SRGAP2B: variants seen among roughly 807,000 people sequenced by gnomAD.
The protein encoded by SRGAP2B is SLIT-ROBO Rho GTPase activating protein 2B.
In SRGAP2B, 9 loss-of-function variants were observed where a neutral mutation model predicts 22.2. The ratio of observed to expected loss-of-function variants is 0.41; its 90% CI spans 0.24 to 0.71. The LOEUF (loss-of-function observed/expected upper bound fraction) is 0.71. Ranked by LOEUF, SRGAP2B falls within the 30% of genes least tolerant of loss-of-function variation. The probability of loss-of-function intolerance (pLI) is 0.35; values close to 1 mark genes in which losing one functional copy is unlikely to be tolerated. For missense variants in SRGAP2B, 114 were observed against 235.8 expected, an observed-to-expected ratio of 0.48 and a Z score of 3.38; for synonymous variants, 36 against 87.4, an observed-to-expected ratio of 0.41 and a Z score of 3.28.
At chr1:144,959,468 T>C (rs1553610938) in intron 3 of SRGAP2B, among the ~76,000 whole-genome samples, 1 of 138,388 alleles carries the variant, frequency 7.2e-6, no homozygotes, top group Non-Finnish European at 1.5e-5. Context: ...TATAAAACTA[T>C]AACTGATTCA....
At chr1:145,089,000 C>T (rs1653710141) in intron 2 of SRGAP2B, among the ~76,000 whole-genome samples, 1 of 150,568 alleles carries the variant, frequency 6.6e-6, no homozygotes, top group South Asian at 2.1e-4. Flanking sequence ...ATTTACATAG[C>T]ATTTACACTG....
intron 3 of SRGAP2B, among the ~76,000 whole-genome samples, chr1:144,976,195 G>A (rs1290354334): frequency 1.4e-5 from 2 of 146,856 alleles, no homozygotes; most frequent in Non-Finnish European, 2.9e-5. Flanking sequence ...TAGTAATTCT[G>A]AAACAACTTT....
chr1:144,944,393 C>T (rs1666311003), intron 4 of SRGAP2B, among the ~76,000 whole-genome samples: 2 of 149,576 alleles, frequency 1.3e-5, no homozygotes, highest in Admixed American at 1.3e-4. Flanking sequence ...CCCCAGAGTT[C>T]AAGCCTAGCC....
rs1412756679 is a variant in SRGAP2B, at chr1:144,969,717, A to C, written c.261-14116T>G. Among the ~76,000 whole-genome samples the C allele has an allele frequency of 6.0e-5, 9 of 150,710 alleles. 2 individuals are homozygous for C. Among genetic ancestry groups the C allele is most frequent in the African/African-American group, 2.2e-4 (9 of 40,250 alleles). On this transcript the variant is annotated intron_variant, in intron 3 of 9. Coordinates refer to ENST00000612199, the Ensembl canonical transcript of SRGAP2B. ...TCAGAGTGAACAGGCAAACTACAAC[A>C]TGGGAGAAAATTTTTGCAACCTACT...
intron 2 of SRGAP2B, among the ~76,000 whole-genome samples, chr1:144,997,039 G>A (rs1225940366): frequency 6.7e-6 from 1 of 150,136 alleles, no homozygotes; most frequent in Non-Finnish European, 1.5e-5. Context: ...CAATATATTA[G>A]TGAAAAGCTG....
At chr1:144,989,094 C>T (rs1380446305) in intron 3 of SRGAP2B, among the ~76,000 whole-genome samples, 1 of 133,754 alleles carries the variant, frequency 7.5e-6, no homozygotes, top group African/African-American at 3.1e-5. Context: ...TGTCTCTCTC[C>T]CCACCTAAGA....
intron 2 of SRGAP2B, among the ~76,000 whole-genome samples, chr1:145,067,997 T>C (rs1553632686): frequency 2.6e-5 from 1 of 38,342 alleles, no homozygotes; most frequent in East Asian, 6.7e-4. Context: ...AGGTCAAGTG[T>C]TTGAGACCAG....
intron 4 of SRGAP2B, among the ~76,000 whole-genome samples, chr1:144,943,872 G>C (rs1358294125): frequency 4.0e-5 from 6 of 150,276 alleles, no homozygotes; most frequent in African/African-American, 1.5e-4. Flanking sequence ...AACCCCCTCA[G>C]CCCAAGGCAA....
intron 3 of SRGAP2B, among the ~76,000 whole-genome samples, chr1:144,980,763 C>T (rs1233965561): frequency 1.3e-5 from 2 of 150,858 alleles, no homozygotes; most frequent in Admixed American, 1.3e-4. Flanking sequence ...AACAGTGAGT[C>T]CTTCCCATGT....
intron 2 of SRGAP2B, among the ~76,000 whole-genome samples, chr1:145,058,603 AGACCAGTCAAT>A (rs1287295860): frequency 3.6e-5 from 4 of 109,664 alleles, no homozygotes; most frequent in Non-Finnish European, 7.4e-5. Flanking sequence ...AAGACTGCCA[AGACCAGTCAAT>A]GTCTTTTTTT....
intron 2 of SRGAP2B, among the ~76,000 whole-genome samples, chr1:144,997,362 T>C (rs7542418): frequency 8.0e-5 from 12 of 149,990 alleles, no homozygotes; most frequent in African/African-American, 3.0e-4. Flanking sequence ...ACCCGGGAGG[T>C]GGAGCTTGCA....
intron 2 of SRGAP2B, among the ~76,000 whole-genome samples, chr1:145,076,190 C>T (rs1177594977): frequency 2.0e-5 from 3 of 149,698 alleles, no homozygotes; most frequent in Non-Finnish European, 4.4e-5. Context: ...CAAAAAACTA[C>T]CTCCATCTTT....
intron 4 of SRGAP2B, among the ~76,000 whole-genome samples, chr1:144,924,548 G>C (rs1196497445): frequency 6.6e-6 from 1 of 150,828 alleles, no homozygotes; most frequent in Non-Finnish European, 1.5e-5. Flanking sequence ...AGACCAAGGT[G>C]AAACCCCGTC....
chr1:145,031,798 G>C (rs2102321266), intron 2 of SRGAP2B, among the ~76,000 whole-genome samples: 1 of 138,238 alleles, frequency 7.2e-6, no homozygotes, highest in Non-Finnish European at 1.5e-5. Flanking sequence ...AGTGAGCCAA[G>C]ATTGCGCCAC....
rs1220062456 is a variant in SRGAP2B at position 144,905,647 on chromosome 1, G to C, written c.702+212C>G. Among the ~76,000 whole-genome samples, 2 of 149,730 alleles carry C rather than the reference G, an allele frequency of 1.3e-5. 1 individual carries two copies. Among genetic ancestry groups the C allele is most frequent in the African/African-American group, 5.1e-5 (2 of 39,514 alleles). On this transcript the variant is annotated intron_variant, in intron 6 of 9. Coordinates refer to ENST00000612199, the Ensembl canonical transcript of SRGAP2B. ...ACTGCTGTTTCTTGGTTTTCTGCTA[G>C]AGGCTAGAAACTTGGAACCCACGTG...
intron 2 of SRGAP2B, among the ~76,000 whole-genome samples, chr1:144,999,023 A>G (rs1670922908): frequency 6.6e-6 from 1 of 150,660 alleles, no homozygotes; most frequent in South Asian, 2.1e-4. Flanking sequence ...GAGGCAATTT[A>G]AAAACATAGA....
Position 145,064,737 on chromosome 1 carries a change from AT to A in SRGAP2B, c.67+28097del, listed in dbSNP as rs1344830380. On this transcript the variant is annotated intron_variant, in intron 2 of 9. Coordinates refer to ENST00000612199, the Ensembl canonical transcript of SRGAP2B. ...TACTCTAACAGAAGATATCAGACTT[AT>A]TGAGAACAGGAGATAACGGATAGGA... is the stretch of plus-strand genomic sequence containing the variant. Among the ~76,000 whole-genome samples, 2 of 150,668 alleles carry A rather than the reference AT, an allele frequency of 1.3e-5. 1 individual carries two copies. Among genetic ancestry groups the A allele is most frequent in the African/African-American group, 5.0e-5 (2 of 40,248 alleles).
intron 2 of SRGAP2B, among the ~76,000 whole-genome samples, chr1:145,009,076 C>G (rs1353949988): frequency 1.4e-5 from 2 of 144,356 alleles, no homozygotes; most frequent in Non-Finnish European, 3.0e-5. Flanking sequence ...ACTCAGGAGG[C>G]TGAGGCAGGA....
intron 4 of SRGAP2B, among the ~76,000 whole-genome samples, chr1:144,941,541 G>A (rs1666052402): frequency 6.7e-6 from 1 of 149,730 alleles, no homozygotes; most frequent in Admixed American, 6.6e-5. Flanking sequence ...CCCAAGGGCT[G>A]GGCTTAAAAG....
Sources: gnomAD v4.1 joint callset for allele counts (sites outside exome capture counted in the v4.1 genomes callset) on GRCh38, gnomAD v4.1.1 for gene constraint, MANE v1.5 for transcripts, NCBI Gene and HGNC (gene_info 2026-07-23, HGNC 2026-07-21) for gene names.